SAMD12: variants seen among roughly 807,000 people sequenced by gnomAD.
The protein encoded by SAMD12 is sterile alpha motif domain containing 12.
Under a neutral mutation model 15.0 loss-of-function variants are expected in SAMD12, and 9 were observed. That is an observed-to-expected ratio of 0.60 (90% CI 0.36 to 1.05). SAMD12 has a LOEUF of 1.05. SAMD12 is among the 50% of genes least tolerant of loss of function. The probability of loss-of-function intolerance (pLI) is 0.01; values close to 1 mark genes in which losing one functional copy is unlikely to be tolerated. For synonymous variants in SAMD12, 86 were observed against 90.1 expected (o/e 0.96, Z 0.25); for missense variants, 230 against 234.2 (o/e 0.98, Z 0.12).
Position 118,565,293 on chromosome 8 carries a change from C to T in SAMD12, c.192+15422G>A, listed in dbSNP as rs185780830. Among the ~76,000 whole-genome samples, 124 of 152,210 alleles carry T rather than the reference C, an allele frequency of 8.1e-4. 2 individuals carry two copies. Among genetic ancestry groups the T allele is most frequent in the African/African-American group, 2.8e-3 (118 of 41,538 alleles). On this transcript the variant is annotated intron_variant, in intron 2 of 3. Coordinates refer to ENST00000314727, the MANE Select transcript of SAMD12 (RefSeq NM_207506.3). ...GCCACAGGTAAACATGGTTGGGGAACAGGATCAAAAATTAGACTGAAAGAG... is the reference window on the plus strand; with the variant it reads ...GCCACAGGTAAACATGGTTGGGGAATAGGATCAAAAATTAGACTGAAAGAG...
chr8:118,374,225 A>G (rs1819261023), downstream of SAMD12, among the ~76,000 whole-genome samples: 1 of 152,156 alleles, frequency 6.6e-6, no homozygotes, highest in South Asian at 2.1e-4. Context: ...CCATATGAGT[A>G]GAATCATGCA....
At chr8:118,325,692 A>T (rs1367901490) in intron 4 of SAMD12, among the ~76,000 whole-genome samples, 1 of 152,186 alleles carries the variant, frequency 6.6e-6, no homozygotes, top group Non-Finnish European at 1.5e-5. Flanking sequence ...GACTGAAAGC[A>T]TGTGCCCTTT....
chr8:118,241,471 T>C (rs1208116037), intron 4 of SAMD12, among the ~76,000 whole-genome samples: 1 of 152,160 alleles, frequency 6.6e-6, no homozygotes, highest in Non-Finnish European at 1.5e-5. Flanking sequence ...AGTCAATCCA[T>C]ACTTATCAAA....
intron 2 of SAMD12, among the ~76,000 whole-genome samples, chr8:118,535,801 G>A (rs575682257): frequency 8.5e-5 from 13 of 152,320 alleles, no homozygotes; most frequent in South Asian, 8.3e-4. Context: ...TTGGAAAAGC[G>A]CAGTATTAGG....
rs949208393 is a variant in SAMD12, at chr8:118,379,189, A to G, written c.*228T>C. ...AATTGGCGCAGGTGAAGATAGCTAC[A>G]GCTGGACTGTACAGTTGTGCAGGCT... On this transcript the variant is annotated 3_prime_UTR_variant, in exon 4 of 4. Coordinates refer to ENST00000314727, the MANE Select transcript of SAMD12 (RefSeq NM_207506.3). The G allele has an allele frequency of 4.6e-6, 6 of 1,307,412 alleles. No individual in the cohort carries two copies. The African/African-American group carries it at 5.9e-5, about 13-fold the overall frequency. The allele number at this position is 1,307,412 out of a possible 1,614,324, so 81.0% of individuals were successfully genotyped here.
At chr8:118,406,048 G>C (rs1031125355) in intron 3 of SAMD12, among the ~76,000 whole-genome samples, 4 of 152,026 alleles carry the variant, frequency 2.6e-5, no homozygotes, top group African/African-American at 4.8e-5. Context: ...AGAAATGTTG[G>C]TTTAACCAGG....
chr8:118,389,194 T>G (rs1175397700), intron 3 of SAMD12, among the ~76,000 whole-genome samples: 2 of 152,252 alleles, frequency 1.3e-5, no homozygotes. Context: ...CTCAAAAAGT[T>G]AATCATCGGT....
intron 3 of SAMD12, among the ~76,000 whole-genome samples, chr8:118,403,861 G>A (rs959512267): frequency 2.6e-5 from 4 of 152,188 alleles, no homozygotes; most frequent in African/African-American, 9.7e-5. Flanking sequence ...GAATCTAGAT[G>A]GCCATAGCAT....
intron 4 of SAMD12, among the ~76,000 whole-genome samples, chr8:118,307,790 T>A (rs1238408524): frequency 1.6e-5 from 2 of 125,924 alleles, no homozygotes; most frequent in Non-Finnish European, 3.2e-5. Context: ...CGCTCCTAGA[T>A]GCTGACCTGT....
chr8:118,333,978 T>A (rs1183650379), intron 4 of SAMD12, among the ~76,000 whole-genome samples: 2 of 149,362 alleles, frequency 1.3e-5, no homozygotes, highest in African/African-American at 4.9e-5. Flanking sequence ...GGTGTGTCTG[T>A]GTGTGTGTGT....
the SAMD12 span, among the ~76,000 whole-genome samples, chr8:118,157,414 C>G: frequency 6.6e-6 from 1 of 152,122 alleles, no homozygotes; most frequent in East Asian, 1.9e-4. Context: ...CCTCCAGGGA[C>G]AGAAGGTCAG....
intron 2 of SAMD12, among the ~76,000 whole-genome samples, chr8:118,463,843 T>C (rs1181842088): frequency 1.3e-5 from 2 of 152,016 alleles, no homozygotes; most frequent in African/African-American, 4.8e-5. Context: ...GTCATCATAC[T>C]CAATTACTGG....
chr8:118,305,444 T>C (rs775687188), intron 4 of SAMD12, among the ~76,000 whole-genome samples: 4 of 152,356 alleles, frequency 2.6e-5, no homozygotes, highest in Middle Eastern at 3.4e-3. Context: ...TTCTCTCTGT[T>C]ATAGCATGAA....
At chr8:118,495,643 C>T (rs754599231) in intron 2 of SAMD12, among the ~76,000 whole-genome samples, 5 of 151,452 alleles carry the variant, frequency 3.3e-5, no homozygotes, top group Admixed American at 6.6e-5. Flanking sequence ...ATGAACTCCA[C>T]GGTTACTGAC....
chr8:118,416,543 T>C (rs1821699941), intron 3 of SAMD12, among the ~76,000 whole-genome samples: 1 of 152,186 alleles, frequency 6.6e-6, no homozygotes, highest in Non-Finnish European at 1.5e-5. Flanking sequence ...TTGAAATAAA[T>C]ATTGCAGCTG....
intron 3 of SAMD12, among the ~76,000 whole-genome samples, chr8:118,435,307 G>A (rs927242167): frequency 6.6e-5 from 10 of 151,910 alleles, no homozygotes; most frequent in South Asian, 6.2e-4. Flanking sequence ...ATTATTAATC[G>A]TTCTATTTTA....
At chr8:118,410,599 G>A (rs1348299467) in intron 3 of SAMD12, among the ~76,000 whole-genome samples, 1 of 152,176 alleles carries the variant, frequency 6.6e-6, no homozygotes, top group Non-Finnish European at 1.5e-5. Context: ...CAATTATCCT[G>A]AGACAGTCAT....
chr8:118,454,443 T>C (rs1823180312), intron 2 of SAMD12, among the ~76,000 whole-genome samples: 1 of 152,188 alleles, frequency 6.6e-6, no homozygotes, highest in African/African-American at 2.4e-5. Flanking sequence ...TTTCACTCTT[T>C]CTGAGAGGTA....
intron 1 of SAMD12, among the ~76,000 whole-genome samples, chr8:118,592,491 C>T (rs1253394246): frequency 1.3e-5 from 2 of 151,970 alleles, no homozygotes; most frequent in Non-Finnish European, 2.9e-5. Context: ...AGTTACTTCC[C>T]TTTAGGTTAG....
Sources: gnomAD v4.1 joint callset for allele counts (sites outside exome capture counted in the v4.1 genomes callset) on GRCh38, gnomAD v4.1.1 for gene constraint, MANE v1.5 for transcripts, NCBI Gene and HGNC (gene_info 2026-07-23, HGNC 2026-07-21) for gene names.